Variants in DENND3 observed in about 807,000 individuals in gnomAD.
DENND3 encodes the protein DENN domain containing 3.
In DENND3, 88 loss-of-function variants were observed where a neutral mutation model predicts 135.1. The ratio of observed to expected loss-of-function variants is 0.65; its 90% CI spans 0.55 to 0.78. The LOEUF is 0.78. Among genes scored for constraint, DENND3 ranks in the 30% least tolerant of loss-of-function variants. DENND3 has a pLI of 0.00. For missense variants in DENND3, 1,392 were observed against 1,688.4 expected (o/e 0.82, Z 3.08); for synonymous variants, 693 against 712.3 (o/e 0.97, Z 0.43).
intron 7 of DENND3, among the ~76,000 whole-genome samples, chr8:141,152,114 G>A (rs1350564481): frequency 6.6e-6 from 1 of 152,268 alleles, no homozygotes; most frequent in Non-Finnish European, 1.5e-5. Context: ...CACTGGGCCT[G>A]CAGCAGGTGC....
Position 141,138,024 on chromosome 8 carries a change from G to A in DENND3, c.388G>A (p.Gly130Ser). 1 of 1,596,328 alleles carries A rather than the reference G, an allele frequency of 6.3e-7. No individual in the cohort carries two copies. The highest frequency in any genetic ancestry group is 2.3e-5 in the East Asian group (1 of 44,430). Residue 130 changes from glycine (G) to serine (S), a missense_variant and splice_region_variant, in exon 3 of 23, where the codon GGT becomes AGT. By Grantham distance (56) the Gly-to-Ser change is moderately conservative. Coordinates refer to ENST00000519811, the MANE Select transcript of DENND3 (RefSeq NM_001352890.3). The surrounding 1 kb of genome is among the most constrained non-coding windows in gnomAD (Gnocchi z 4.8). ...LTLPQLCFPG[G>S]VCVATEPKED... ...TCTCTGTCTCTTTCTGCCTGCAGGG[G>A]GTGTGTGCGTGGCCACTGAACCTAA...
intron 11 of DENND3, among the ~76,000 whole-genome samples, chr8:141,165,498 C>T: frequency 6.7e-6 from 1 of 148,410 alleles, no homozygotes; most frequent in African/African-American, 2.5e-5. Flanking sequence ...GAGTCTCGCT[C>T]TTGTTGCCCA....
chr8:141,150,467 A>G (rs967120061), intron 5 of DENND3: 20 of 413,158 alleles, frequency 4.8e-5, no homozygotes, highest in Non-Finnish European at 7.5e-5. Context: ...CTAACTAAAA[A>G]GAATATGTAA....
In DENND3 at chr8:141,154,660, T is replaced by A. The variant is rs1329881859; in HGVS notation, c.1075-1189T>A. On this transcript the variant is annotated intron_variant, in intron 7 of 22. Coordinates refer to ENST00000519811, the MANE Select transcript of DENND3 (RefSeq NM_001352890.3). The surrounding 1 kb of genome is among the most constrained non-coding windows in gnomAD (Gnocchi z 4.4). Reference sequence around the variant, plus strand: ...TCACTGCAACCTCCGCCTCCTGGGTTCAAGCGATTCTCCTGCCTCAGCCTC... The same window carrying A: ...TCACTGCAACCTCCGCCTCCTGGGTACAAGCGATTCTCCTGCCTCAGCCTC... Among the ~76,000 whole-genome samples the A allele has an allele frequency of 1.3e-5, 2 of 152,044 alleles. No homozygotes were observed. Among genetic ancestry groups the A allele is most frequent in the African/African-American group, 2.4e-5 (1 of 41,388 alleles).
chr8:141,172,156 T>C (rs1821683715), intron 13 of DENND3, among the ~76,000 whole-genome samples: 2 of 143,414 alleles, frequency 1.4e-5, no homozygotes, highest in Admixed American at 1.4e-4. Context: ...GTGTGCATAG[T>C]GACTGTGGGC....
At chr8:141,193,451 C>T (rs1230550601) in intron 22 of DENND3, 1 of 161,246 alleles carries the variant, frequency 6.2e-6, no homozygotes, top group Non-Finnish European at 1.4e-5. Flanking sequence ...ACCCCTCTTG[C>T]ACCGTGAACC....
In DENND3 at chr8:141,168,485, C is replaced by G. The variant is rs761403964; in HGVS notation, c.2235C>G (p.Asp745Glu). The G allele has an allele frequency of 6.2e-7, 1 of 1,613,110 alleles. No homozygotes were observed. Among genetic ancestry groups the G allele is most frequent in the South Asian group, 1.1e-5 (1 of 91,072 alleles). The change falls in exon 13 of 23, where the codon GAC (aspartate) becomes GAG (glutamate). Residue 745 changes from aspartate (D) to glutamate (E), a missense_variant. Coordinates refer to ENST00000519811, the MANE Select transcript of DENND3 (RefSeq NM_001352890.3). This position sits in a 1 kb window ranked among gnomAD's most constrained non-coding sequence, Gnocchi z 6.2. Reference sequence around the variant, plus strand: ...TCCAGGAGTCAGGGATCGTGAAGGACGCCAGCATCATACACCGGCTGTTCG... The same window carrying G: ...TCCAGGAGTCAGGGATCGTGAAGGAGGCCAGCATCATACACCGGCTGTTCG... ...KRVQESGIVK[D>E]ASIIHRLFEA...
intron 8 of DENND3, among the ~76,000 whole-genome samples, chr8:141,160,265 A>G (rs1158034032): frequency 6.9e-6 from 1 of 143,910 alleles, no homozygotes; most frequent in Non-Finnish European, 1.5e-5. Context: ...TACAACCTCC[A>G]CCTCCCAGGT....
intron 13 of DENND3, among the ~76,000 whole-genome samples, chr8:141,171,918 G>A (rs1427819359): frequency 6.6e-6 from 1 of 151,652 alleles, no homozygotes; most frequent in East Asian, 1.9e-4. Context: ...CAGTGGCCGA[G>A]GGTGTGCATG....
Position 141,171,658 on chromosome 8 carries a change from TGA to T in DENND3, c.2275+3135_2275+3136del, listed in dbSNP as rs1289521353. ...AGCTGCTGTGGATCACATGGGCTCA[TGA>T]GTGTGCCTGGTGTCCACAGATGTGC... On this transcript the variant is annotated intron_variant, in intron 13 of 22. Transcript: ENST00000519811. 2.6e-5 allele frequency among the ~76,000 whole-genome samples: 4 copies of T among 152,130 alleles called. No homozygotes were observed. In the East Asian group the frequency reaches 7.7e-4, roughly 29 times the overall value.
At chr8:141,151,002 G>A (rs749609361) in intron 6 of DENND3, 49 bp downstream of exon 6, 1 of 1,475,260 alleles carries the variant, frequency 6.8e-7, no homozygotes, top group East Asian at 2.5e-5. Flanking sequence ...CTGCCTTAGT[G>A]GGGCATCAGA....
Position 141,190,347 on chromosome 8 carries a change from G to A in DENND3, c.3309G>A (p.Val1103=). 6.2e-7 allele frequency: 1 copy of A among 1,613,378 alleles called. No homozygotes were observed. The highest frequency in any genetic ancestry group is 8.5e-7 in the Non-Finnish European group (1 of 1,179,854). The part of the protein sequence containing the change: ...VLVWNVSTLQ[V]TSRFQLPRGG... ...TGTGGAATGTGAGCACACTGCAGGT[G>A]ACCAGCCGCTTCCAGCTGCCGCGAG... The change falls in exon 20 of 23, where the codon GTG becomes GTA. Residue 1103 remains valine (V), a synonymous_variant. Coordinates refer to ENST00000519811, the MANE Select transcript of DENND3 (RefSeq NM_001352890.3).
Position 141,179,208 on chromosome 8 carries a change from C to T in DENND3, c.2836+1012C>T, listed in dbSNP as rs1205088234. 1.1e-4 allele frequency among the ~76,000 whole-genome samples: 16 copies of T among 152,328 alleles called. No homozygotes were observed. The East Asian group carries it at 2.5e-3, about 24-fold the overall frequency. On this transcript the variant is annotated intron_variant, in intron 16 of 22. Coordinates refer to ENST00000519811, the MANE Select transcript of DENND3 (RefSeq NM_001352890.3). ...AGGGACCTTGAGCTGCAGCAGCAGCCGGGCTCAGGTGCCTGTGTTCCTGCA... is the reference window on the plus strand; with the variant it reads ...AGGGACCTTGAGCTGCAGCAGCAGCTGGGCTCAGGTGCCTGTGTTCCTGCA...
chr8:141,191,116 A>G lies in DENND3; in HGVS notation c.3379+699A>G, dbSNP rs1824691999. On this transcript the variant is annotated intron_variant, in intron 20 of 22. Transcript: ENST00000519811. ...TTTGTTGTGTTTTGACAAACATCTA[A>G]ACTACATAACCATGAAACAAATCAA... 2.0e-5 allele frequency among the ~76,000 whole-genome samples: 3 copies of G among 152,364 alleles called. No individual in the cohort carries two copies. In the South Asian group the frequency reaches 6.2e-4, roughly 32 times the overall value.
intron 7 of DENND3, 149 bp downstream of exon 7, chr8:141,151,986 C>G: frequency 4.1e-6 from 4 of 979,028 alleles, no homozygotes; most frequent in Non-Finnish European, 6.1e-6. Context: ...AGTGGCTGTT[C>G]ACTCACTGTG....
intron 10 of DENND3, among the ~76,000 whole-genome samples, chr8:141,163,910 A>ATC (rs1820450717): frequency 6.7e-6 from 1 of 150,170 alleles, no homozygotes; most frequent in African/African-American, 2.4e-5. Flanking sequence ...TCCGTCTCAA[A>ATC]AAAAAAAAAA....
At chr8:141,160,836 C>T (rs372733953) in intron 9 of DENND3, 49 bp downstream of exon 9, 70 of 1,578,204 alleles carry the variant, frequency 4.4e-5, no homozygotes, top group Non-Finnish European at 5.6e-5. Context: ...ACCAGCCAGC[C>T]ATCCATTCTA....
In DENND3 at chr8:141,180,749, C is replaced by T. The variant is rs138112402; in HGVS notation, c.2839C>T (p.Pro947Ser). 2.4e-5 allele frequency: 39 copies of T among 1,612,286 alleles called. No homozygotes were observed. The African/African-American group carries it at 4.8e-4, about 20-fold the overall frequency. ...ACTCCAAGTGTCTTGTCTTTCAGTG[C>T]CCATGACGCTTCCGGAGACAACCCT... is the stretch of plus-strand genomic sequence containing the variant. Reference protein sequence around the residue: ...SYFDKMSNEMPMTLPETTLET... With the variant: ...SYFDKMSNEMSMTLPETTLET... The change falls in exon 17 of 23, where the codon CCC becomes TCC. Residue 947 changes from proline (P) to serine (S), a missense_variant and splice_region_variant. By Grantham distance (74) the Pro-to-Ser change is moderately conservative. Coordinates refer to ENST00000519811, the MANE Select transcript of DENND3 (RefSeq NM_001352890.3).
intron 5 of DENND3, among the ~76,000 whole-genome samples, chr8:141,147,438 C>A (rs190140650): frequency 8.5e-5 from 13 of 152,376 alleles, no homozygotes; most frequent in African/African-American, 2.9e-4. Flanking sequence ...TGCCACTCCC[C>A]CAGCGTGCTG....
Sources: allele counts gnomAD v4.1 joint callset (sites outside exome capture counted in the v4.1 genomes callset), GRCh38; gene constraint gnomAD v4.1.1; non-coding constraint Gnocchi (gnomAD v3.1); transcripts MANE v1.5; gene names NCBI Gene and HGNC (gene_info 2026-07-23, HGNC 2026-07-21).